The following ATP10B variants were observed in gnomAD, a reference collection of about 807,000 sequenced individuals.
ATP10B encodes phospholipid-transporting ATPase VB.
In ATP10B, 122 loss-of-function variants were observed where a neutral mutation model predicts 141.2. The ratio of observed to expected loss-of-function variants is 0.86; its 90% CI spans 0.75 to 1.00. The LOEUF (loss-of-function observed/expected upper bound fraction) is 1.00, where lower values mean the gene tolerates loss of function less well. Among genes scored for constraint, ATP10B ranks in the 50% least tolerant of loss-of-function variants. The probability of loss-of-function intolerance (pLI) is 0.00; values close to 1 mark genes in which losing one functional copy is unlikely to be tolerated. For missense variants in ATP10B, 1,876 were observed against 1,825.3 expected, an observed-to-expected ratio of 1.03 and a Z score of -0.51; for synonymous variants, 685 against 692.0, an observed-to-expected ratio of 0.99 and a Z score of 0.16.
chr5:160,636,376 C>T, intron 10 of ATP10B, 67 bp from the exon 11 acceptor site: 1 of 1,511,720 alleles, frequency 6.6e-7, no homozygotes. Flanking sequence ...TCAATTATAC[C>T]AGCCCTTGAC....
Position 160,785,543 on chromosome 5 carries a change from G to T in ATP10B, c.-331+16C>A. Reference sequence around the variant, plus strand: ...GGCTTCTAATGACCCCACTGCCCAAGAAGTAAAGATAGTACCTGATAGGTA... The same window carrying T: ...GGCTTCTAATGACCCCACTGCCCAATAAGTAAAGATAGTACCTGATAGGTA... On this transcript the variant is annotated intron_variant, in intron 2 of 25. Transcript: ENST00000327245. 1.7e-6 allele frequency: 1 copy of T among 600,948 alleles called. No individual in the cohort carries two copies. The highest frequency in any genetic ancestry group is 2.8e-6 in the Non-Finnish European group (1 of 360,140). The allele number at this position is 600,948 out of a possible 1,614,324, so 37.2% of individuals were successfully genotyped here.
intron 13 of ATP10B, among the ~76,000 whole-genome samples, chr5:160,630,198 C>A (rs1278126113): frequency 1.3e-5 from 2 of 152,216 alleles, no homozygotes; most frequent in Admixed American, 1.3e-4. Context: ...GAACTTAACT[C>A]GTGTCAATTT....
At chr5:160,649,093 G>T in intron 8 of ATP10B, 78 bp downstream of exon 8, 1 of 1,032,424 alleles carries the variant, frequency 9.7e-7, no homozygotes, top group Non-Finnish European at 1.5e-6. Flanking sequence ...ATGCTTATTT[G>T]TTTGGTCATT....
chr5:160,769,478 T>C (rs1041603847), intron 2 of ATP10B, among the ~76,000 whole-genome samples: 14 of 152,174 alleles, frequency 9.2e-5, no homozygotes, highest in African/African-American at 3.4e-4. Context: ...GCTGGGCGCC[T>C]TTACAGCCAA....
At chr5:160,721,172 C>T (rs542803057) in intron 2 of ATP10B, among the ~76,000 whole-genome samples, 1 of 152,144 alleles carries the variant, frequency 6.6e-6, no homozygotes, top group Non-Finnish European at 1.5e-5. Context: ...CAGAACACCT[C>T]GGGGTTCATG....
intron 1 of ATP10B, among the ~76,000 whole-genome samples, chr5:160,820,611 T>C (rs1160725400): frequency 6.6e-6 from 1 of 151,462 alleles, no homozygotes; most frequent in African/African-American, 2.4e-5. Context: ...CAGGCCAATA[T>C]CTCTGATGAA....
chr5:160,884,297 T>C, the ATP10B span, among the ~76,000 whole-genome samples: 1 of 152,180 alleles, frequency 6.6e-6, no homozygotes, highest in Non-Finnish European at 1.5e-5. Context: ...TTTTCACATC[T>C]TCCAGGTAGG....
At position 160,688,894 on chromosome 5, in the gene ATP10B, G is replaced by A. The variant is rs533718725; in HGVS notation, c.-155C>T. ...GCTTTTCTTAATCTAGATGGCTGGA[G>A]TTGGGGATAGGGGATCCCTTTTCTT... On this transcript the variant is annotated 5_prime_UTR_variant, in exon 4 of 26. Transcript: ENST00000327245. The A allele has an allele frequency of 4.8e-4, 474 of 985,446 alleles. No homozygotes were observed. The highest frequency in any genetic ancestry group is 2.7e-3 in the South Asian group (57 of 21,284). The allele number at this position is 985,446 out of a possible 1,614,324, so 61.0% of individuals were successfully genotyped here. A position where few individuals can be genotyped will look rare whatever the true frequency, so the allele number is the denominator to read the frequency against.
At chr5:160,805,407 A>G (rs1418525204) in intron 1 of ATP10B, among the ~76,000 whole-genome samples, 1 of 152,222 alleles carries the variant, frequency 6.6e-6, no homozygotes, top group African/African-American at 2.4e-5. Context: ...ATCTGAATTA[A>G]GTGTGTCTTA....
At chr5:160,903,770 C>T in the ATP10B span, among the ~76,000 whole-genome samples, 1 of 152,120 alleles carries the variant, frequency 6.6e-6, no homozygotes, top group African/African-American at 2.4e-5. Flanking sequence ...TGCTTGCCTG[C>T]CCTTCTTGTA....
At chr5:160,625,434 G>T (rs1758560990) in intron 13 of ATP10B, among the ~76,000 whole-genome samples, 1 of 152,112 alleles carries the variant, frequency 6.6e-6, no homozygotes, top group South Asian at 2.1e-4. Flanking sequence ...TAGGGGGAGG[G>T]TACATAAATG....
intron 1 of ATP10B, among the ~76,000 whole-genome samples, chr5:160,798,281 C>T (rs1031419669): frequency 4.6e-5 from 7 of 152,194 alleles, no homozygotes; most frequent in East Asian, 1.9e-4. Flanking sequence ...GGTTGGAAAA[C>T]GTCTTCCTAA....
At chr5:160,865,793 C>T in the ATP10B span, among the ~76,000 whole-genome samples, 1 of 152,060 alleles carries the variant, frequency 6.6e-6, no homozygotes. Context: ...GATACACAAA[C>T]AGCCAACAAA....
rs548043420 is a variant in ATP10B, at chr5:160,602,796, G to A, written c.3238-94C>T. ...GGGCGTTGCTTTGGTCTAGGCCTAC[G>A]GCCAGCAGAGTCCTAAAGACCCCTT... On this transcript the variant is annotated intron_variant, in intron 20 of 25. Transcript: ENST00000327245. 6.9e-5 allele frequency: 107 copies of A among 1,551,186 alleles called. 1 individual carries two copies. In the South Asian group the frequency reaches 8.8e-4, roughly 13 times the overall value.
chr5:160,793,530 G>A (rs1771739010), intron 1 of ATP10B, among the ~76,000 whole-genome samples: 1 of 152,210 alleles, frequency 6.6e-6, no homozygotes, highest in African/African-American at 2.4e-5. Flanking sequence ...AATGGATCGT[G>A]TATGCGATGG....
intron 7 of ATP10B, among the ~76,000 whole-genome samples, chr5:160,660,124 T>TA (rs1174478866): frequency 1.3e-5 from 2 of 152,218 alleles, no homozygotes; most frequent in African/African-American, 2.4e-5. Context: ...TGAGGTGGAC[T>TA]AAAAAACCTC....
At position 160,620,830 on chromosome 5, in the gene ATP10B, T is replaced by A. The variant is rs1561661229; in HGVS notation, c.1933A>T (p.Thr645Ser). The A allele has an allele frequency of 6.2e-7, 1 of 1,614,198 alleles. No individual in the cohort carries two copies. Among genetic ancestry groups the A allele is most frequent in the Non-Finnish European group, 8.5e-7 (1 of 1,180,030 alleles). The change falls in exon 15 of 26, where the codon ACA (threonine) becomes TCA (serine). Residue 645 changes from threonine to serine, a missense_variant. Physicochemically the swap from Thr to Ser is moderately conservative, Grantham distance 58. Coordinates refer to ENST00000327245, the MANE Select transcript of ATP10B (RefSeq NM_025153.3). ...GCCCCTAAGCTCTCCCCGAGGTCTGTGTCAGAGGGTGCAGTGGATGAGAAT... is the reference window on the plus strand; with the variant it reads ...GCCCCTAAGCTCTCCCCGAGGTCTGAGTCAGAGGGTGCAGTGGATGAGAAT... ...QSFSSTAPSD[T>S]DLGESLGANV...
chr5:160,828,107 C>T (rs1468732520), intron 1 of ATP10B, among the ~76,000 whole-genome samples: 3 of 152,190 alleles, frequency 2.0e-5, no homozygotes, highest in African/African-American at 7.2e-5. Flanking sequence ...CATAAAAACC[C>T]TAGAAGAAAA....
chr5:160,624,053 A>G (rs1386014181), intron 13 of ATP10B, among the ~76,000 whole-genome samples: 2 of 152,198 alleles, frequency 1.3e-5, no homozygotes, highest in African/African-American at 4.8e-5. Context: ...TTCACATAAG[A>G]CCATTCCTAT....
Sources: allele counts gnomAD v4.1 joint callset (sites outside exome capture counted in the v4.1 genomes callset), GRCh38; gene constraint gnomAD v4.1.1; transcripts MANE v1.5; gene names NCBI Gene and HGNC (gene_info 2026-07-23, HGNC 2026-07-21).